MELTF: variants seen among roughly 807,000 people sequenced by gnomAD.
MELTF encodes antigen p97 (melanoma associated) identified by monoclonal antibodies 133.2 and 96.5.
In MELTF, 67 loss-of-function variants were observed where a neutral mutation model predicts 83.7. The ratio of observed to expected loss-of-function variants is 0.80; its 90% confidence interval spans 0.66 to 0.98. MELTF has a LOEUF of 0.98. Ranked by LOEUF, MELTF falls within the 50% of genes least tolerant of loss-of-function variation. The pLI is 0.00. For synonymous variants in MELTF, 462 were observed against 447.6 expected, an observed-to-expected ratio of 1.03 and a Z score of -0.41; for missense variants, 1,002 against 1,035.6, an observed-to-expected ratio of 0.97 and a Z score of 0.44.
At chr3:197,027,945 G>A (rs756005506) in intron 1 of MELTF, 35 bp from the exon 2 acceptor site, 4 of 1,518,868 alleles carry the variant, frequency 2.6e-6, no homozygotes, top group South Asian at 1.2e-5. Flanking sequence ...CGGCTCCCCC[G>A]CCCTGCCCAG....
chr3:197,007,908 G>A lies in MELTF; in HGVS notation c.1750+749C>T, dbSNP rs934517020. On this transcript the variant is annotated intron_variant, in intron 13 of 15. Transcript: ENST00000296350. The surrounding 1 kb of genome is among the most constrained non-coding windows in gnomAD (Gnocchi z 4.3). Reference sequence around the variant, plus strand: ...GGAGGAGACATGTTGGGAGCGAGTGGAGAAGACTGGGCCTCCAGCATTTGG... The same window carrying A: ...GGAGGAGACATGTTGGGAGCGAGTGAAGAAGACTGGGCCTCCAGCATTTGG... Among the ~76,000 whole-genome samples the A allele has an allele frequency of 3.9e-5, 6 of 152,206 alleles. No individual in the cohort carries two copies. The highest frequency in any genetic ancestry group is 1.4e-4 in the African/African-American group (6 of 41,446).
At position 197,023,071 on chromosome 3, in the gene MELTF, CCTGCCCCCGGGACGCAG is replaced by C; in HGVS notation, c.513_529del (p.Ser171ArgfsTer7). On this transcript the variant is annotated frameshift_variant, in exon 5 of 16. Transcript: ENST00000296350. LOFTEE classifies it high-confidence loss of function. ...GAGGGACTCAGAGTAACTGGTCTCT[CCTGCCCCCGGGACGCAG>C]CTGCCCCCAAAATAGTCGCTGACAG... The C allele has an allele frequency of 6.2e-7, 1 of 1,613,896 alleles. No individual in the cohort carries two copies. The highest frequency in any genetic ancestry group is 8.5e-7 in the Non-Finnish European group (1 of 1,180,030).
Position 197,007,997 on chromosome 3 carries a change from A to G in MELTF, c.1750+660T>C, listed in dbSNP as rs1195805391. Among the ~76,000 whole-genome samples the G allele has an allele frequency of 6.6e-6, 1 of 152,138 alleles. No homozygotes were observed. Among genetic ancestry groups the G allele is most frequent in the Non-Finnish European group, 1.5e-5 (1 of 68,016 alleles). On this transcript the variant is annotated intron_variant, in intron 13 of 15. Transcript: ENST00000296350. The surrounding 1 kb of genome is among the most constrained non-coding windows in gnomAD (Gnocchi z 4.3). ...GTACAAGCCTTTGGTGTTGGAGGAA[A>G]ACAGCCTCTAGTCTTCAAAACGGAC...
chr3:197,019,221 A>C, intron 6 of MELTF: 1 of 1,004,636 alleles, frequency 1.0e-6, no homozygotes, highest in Non-Finnish European at 1.2e-6. Flanking sequence ...CGGCGGCTGC[A>C]AAACCTTTGG....
In MELTF at chr3:197,015,314, C is replaced by T. The variant is rs769475409; in HGVS notation, c.1233+51G>A. On this transcript the variant is annotated intron_variant, in intron 9 of 15. Transcript: ENST00000296350. ...GTGTGGGTAGTAAGAACTGCCCAGG[C>T]ACTGCCACCACCCGCCCACCTGGCC... 4 of 1,520,746 alleles carry T rather than the reference C, an allele frequency of 2.6e-6. No homozygotes were observed. The East Asian group carries it at 9.9e-5, about 38-fold the overall frequency. 94.2% of individuals were successfully genotyped at this position (1,520,746 alleles called of 1,614,324 possible).
chr3:197,020,988 A>G (rs1213941725), intron 6 of MELTF, among the ~76,000 whole-genome samples: 7 of 152,100 alleles, frequency 4.6e-5, no homozygotes, highest in Admixed American at 4.6e-4. Context: ...TATATCTTAA[A>G]CCTTCCCAGG....
At chr3:197,019,844 T>C in intron 6 of MELTF, 2 of 1,523,218 alleles carry the variant, frequency 1.3e-6, no homozygotes, top group Non-Finnish European at 1.8e-6. Context: ...AGAATGACAA[T>C]GATTTAAAAA....
At chr3:197,009,333 A>G (rs1719095961) in intron 11 of MELTF, among the ~76,000 whole-genome samples, 1 of 152,154 alleles carries the variant, frequency 6.6e-6, no homozygotes, top group Admixed American at 6.5e-5. Context: ...GTTAGAAAAA[A>G]AAGTGCTTGT....
In MELTF at chr3:197,029,695, C is replaced by G. The variant is rs766496656; in HGVS notation, c.8G>C (p.Gly3Ala). 4.8e-6 allele frequency: 6 copies of G among 1,242,480 alleles called. No homozygotes were observed. The East Asian group carries it at 1.9e-4, about 38-fold the overall frequency. The allele number at this position is 1,242,480 out of a possible 1,614,324, so 77.0% of individuals were successfully genotyped here. ...GAGCAGCCACAGAGCCCCGCTCGGA[C>G]CCCGCATGGCGCCGTCGGGGCTGGC... is the stretch of plus-strand genomic sequence containing the variant. MR[G>A]PSGALWLLLA... The change falls in exon 1 of 16, where the codon GGT becomes GCT. Residue 3 changes from glycine to alanine, a missense_variant. Gly to Ala is a moderately conservative substitution (Grantham distance 60, BLOSUM62 0). Coordinates refer to ENST00000296350, the MANE Select transcript of MELTF (RefSeq NM_005929.6). The surrounding 1 kb of genome is among the most constrained non-coding windows in gnomAD (Gnocchi z 6.5).
chr3:197,016,431 C>T (rs1719379683), intron 7 of MELTF, 62 bp from the exon 8 acceptor site: 2 of 1,389,012 alleles, frequency 1.4e-6, no homozygotes, highest in Admixed American at 2.6e-5. Context: ...TCCTTCCCTC[C>T]CACTTTGGCC....
At chr3:197,005,472 A>G (rs1314164956) in intron 14 of MELTF, among the ~76,000 whole-genome samples, 22 of 152,192 alleles carry the variant, frequency 1.4e-4, no homozygotes, top group Non-Finnish European at 3.2e-4. Flanking sequence ...GTATTTGATG[A>G]CATGGGATTG....
intron 6 of MELTF, among the ~76,000 whole-genome samples, chr3:197,018,015 A>C (rs945875947): frequency 1.3e-5 from 2 of 152,210 alleles, no homozygotes; most frequent in Non-Finnish European, 2.9e-5. Flanking sequence ...CCACGGTGGA[A>C]ACAAACCCCG....
chr3:197,011,094 C>A lies in MELTF; in HGVS notation c.1234-300G>T, dbSNP rs1719172413. Reference sequence around the variant, plus strand: ...TGCTCTGAGCAAAGCAAGCGCGATCCCTACCCTCATGCTTGGCGTGGGCCT... The same window carrying A: ...TGCTCTGAGCAAAGCAAGCGCGATCACTACCCTCATGCTTGGCGTGGGCCT... On this transcript the variant is annotated intron_variant, in intron 9 of 15. Transcript: ENST00000296350. This position sits in a 1 kb window ranked among gnomAD's most constrained non-coding sequence, Gnocchi z 4.2. 6.6e-6 allele frequency among the ~76,000 whole-genome samples: 1 copy of A among 152,242 alleles called. No individual in the cohort carries two copies. Among genetic ancestry groups the A allele is most frequent in the Non-Finnish European group, 1.5e-5 (1 of 68,028 alleles).
At position 197,024,539 on chromosome 3, in the gene MELTF, T is replaced by G; in HGVS notation, c.305-54A>C. The G allele has an allele frequency of 6.7e-7, 1 of 1,488,374 alleles. No homozygotes were observed. The highest frequency in any genetic ancestry group is 9.1e-7 in the Non-Finnish European group (1 of 1,099,264). The allele number at this position is 1,488,374 out of a possible 1,614,324, so 92.2% of individuals were successfully genotyped here. ...AGCAGGGAGAGGCCTCGAGAGAGGCTGCACCAGCACCCTGCCTGGGCGGGC... is the reference window on the plus strand; with the variant it reads ...AGCAGGGAGAGGCCTCGAGAGAGGCGGCACCAGCACCCTGCCTGGGCGGGC... On this transcript the variant is annotated intron_variant, in intron 3 of 15. Coordinates refer to ENST00000296350, the MANE Select transcript of MELTF (RefSeq NM_005929.6). This position sits in a 1 kb window ranked among gnomAD's most constrained non-coding sequence, Gnocchi z 5.3.
At chr3:197,016,661 G>C (rs1337549312) in intron 7 of MELTF, among the ~76,000 whole-genome samples, 1 of 152,240 alleles carries the variant, frequency 6.6e-6, no homozygotes, top group East Asian at 1.9e-4. Flanking sequence ...CGTGGGGCTG[G>C]TGGTAGCAGC....
Position 197,008,541 on chromosome 3 carries a change from G to A in MELTF, c.1750+116C>T. 2 of 1,195,354 alleles carry A rather than the reference G, an allele frequency of 1.7e-6. No individual in the cohort carries two copies. The highest frequency in any genetic ancestry group is 1.2e-6 in the Non-Finnish European group (1 of 841,554). 74.0% of individuals were successfully genotyped at this position (1,195,354 alleles called of 1,614,324 possible). The stretch of plus-strand genomic sequence containing the variant: ...GCTTCCCAGGGGGCACAGCCTTCTA[G>A]ACTCAGCCTCTCTGAGCTGCTGCTT... On this transcript the variant is annotated intron_variant, in intron 13 of 15. Coordinates refer to ENST00000296350, the MANE Select transcript of MELTF (RefSeq NM_005929.6). This position sits in a 1 kb window ranked among gnomAD's most constrained non-coding sequence, Gnocchi z 5.4.
intron 6 of MELTF, chr3:197,019,853 A>G (rs1719550625): frequency 1.3e-6 from 2 of 1,516,876 alleles, no homozygotes. Context: ...ATGATTTAAA[A>G]AAAAAACCCA....
intron 9 of MELTF, among the ~76,000 whole-genome samples, chr3:197,014,383 G>GTTTTTTTTTTTTTTTTTTTTTTT (rs71623319): frequency 9.9e-6 from 1 of 101,052 alleles, no homozygotes; most frequent in African/African-American, 4.1e-5. Flanking sequence ...AATAGGGAGA[G>GTTTTTTTTTTTTTTTTTTTTTTT]TTTTTTTTTT....
intron 3 of MELTF, among the ~76,000 whole-genome samples, chr3:197,025,199 G>A (rs994098031): frequency 1.2e-4 from 19 of 152,244 alleles, no homozygotes; most frequent in African/African-American, 2.9e-4. Context: ...TCGCACGGGC[G>A]CACACACGCA....
Sources: allele counts gnomAD v4.1 joint callset (sites outside exome capture counted in the v4.1 genomes callset), GRCh38; gene constraint gnomAD v4.1.1; non-coding constraint Gnocchi (gnomAD v3.1); transcripts MANE v1.5; gene names NCBI Gene and HGNC (gene_info 2026-07-23, HGNC 2026-07-21).